Variants in LSAMP observed in about 807,000 individuals in gnomAD.
LSAMP encodes limbic system-associated membrane protein.
Under a neutral mutation model 38.6 loss-of-function variants are expected in LSAMP, and 7 were observed. The observed-to-expected ratio is 0.18, with a 90% CI of 0.10 to 0.34. LSAMP has a LOEUF of 0.34. LSAMP is among the 10% of genes least tolerant of loss of function. The probability of loss-of-function intolerance (pLI) is 1.00; values close to 1 mark genes in which losing one functional copy is unlikely to be tolerated. For missense variants in LSAMP, 313 were observed against 420.0 expected (o/e 0.75, Z 2.23); for synonymous variants, 154 against 166.8 (o/e 0.92, Z 0.59).
chr3:116,222,319 G>A (rs2046295202), intron 1 of LSAMP, among the ~76,000 whole-genome samples: 1 of 149,808 alleles, frequency 6.7e-6, no homozygotes, highest in East Asian at 2.0e-4. Flanking sequence ...TGCCCACAGT[G>A]CTGCATCCTA....
chr3:116,267,058 A>G (rs1169746485), intron 1 of LSAMP, among the ~76,000 whole-genome samples: 2 of 152,144 alleles, frequency 1.3e-5, no homozygotes, highest in South Asian at 2.1e-4. Flanking sequence ...TCTAACTACT[A>G]TCCCAAAGCA....
At chr3:116,246,206 A>G (rs1036421394) in intron 1 of LSAMP, among the ~76,000 whole-genome samples, 10 of 152,206 alleles carry the variant, frequency 6.6e-5, no homozygotes, top group African/African-American at 2.2e-4. Context: ...AATAGTTCCT[A>G]GAGTGTAAAA....
At chr3:116,125,331 C>T (rs899045334) in intron 1 of LSAMP, among the ~76,000 whole-genome samples, 2 of 151,674 alleles carry the variant, frequency 1.3e-5, no homozygotes, top group African/African-American at 4.8e-5. Context: ...ACTTCTTTCC[C>T]TTGCATAGTT....
At chr3:116,144,562 C>CTTTTTTTTTTT (rs3071080) in intron 1 of LSAMP, among the ~76,000 whole-genome samples, 7 of 142,148 alleles carry the variant, frequency 4.9e-5, no homozygotes, top group Non-Finnish European at 6.1e-5. Context: ...CATCACCTTA[C>CTTTTTTTTTTT]TTTTTTTTTT....
At chr3:115,814,589 C>G (rs939668508) in intron 6 of LSAMP, among the ~76,000 whole-genome samples, 2 of 152,212 alleles carry the variant, frequency 1.3e-5, no homozygotes, top group East Asian at 3.9e-4. Flanking sequence ...CCTAGGAGCC[C>G]ATTTCTTGGA....
At chr3:116,258,398 A>T (rs1339296812) in intron 1 of LSAMP, among the ~76,000 whole-genome samples, 6 of 151,984 alleles carry the variant, frequency 3.9e-5, no homozygotes, top group Non-Finnish European at 8.8e-5. Context: ...CTTTTTTTAA[A>T]TCAGTTAATA....
rs1392207907 is a variant in LSAMP at position 115,874,033 on chromosome 3, C to T, written c.515-21416G>A. ...TTACACTCTGAGCTTCTGCCCTTTT[C>T]TAAGTTTATCTTTCTCTCTTGGAGC... On this transcript the variant is annotated intron_variant, in intron 3 of 6. Coordinates refer to ENST00000490035, the MANE Select transcript of LSAMP (RefSeq NM_002338.5). Among the ~76,000 whole-genome samples the T allele has an allele frequency of 2.0e-5, 3 of 152,116 alleles. No individual in the cohort carries two copies. The East Asian group carries it at 5.8e-4, about 29-fold the overall frequency.
chr3:115,955,570 A>C (rs184275247), intron 3 of LSAMP, among the ~76,000 whole-genome samples: 122 of 152,294 alleles, frequency 8.0e-4, no homozygotes, highest in Non-Finnish European at 1.6e-3. Context: ...AACTGGATGT[A>C]GGAGACAGGT....
chr3:116,408,915 C>A (rs893330056), intron 1 of LSAMP, among the ~76,000 whole-genome samples: 2 of 152,022 alleles, frequency 1.3e-5, no homozygotes, highest in Non-Finnish European at 1.5e-5. Context: ...TGGTCCAGTG[C>A]CTACCCATGC....
intron 1 of LSAMP, among the ~76,000 whole-genome samples, chr3:116,203,862 C>A (rs188691178): frequency 3.5e-4 from 54 of 152,198 alleles, no homozygotes; most frequent in Admixed American, 1.4e-3. Context: ...AATAAACATA[C>A]GTGTGCATGT....
intron 1 of LSAMP, among the ~76,000 whole-genome samples, chr3:116,419,618 A>G (rs1245849151): frequency 1.3e-5 from 2 of 152,160 alleles, no homozygotes; most frequent in African/African-American, 4.8e-5. Flanking sequence ...TAAAGCAGTA[A>G]TCTTTTTTTA....
chr3:115,871,639 CAAAG>C (rs781656798), intron 3 of LSAMP, among the ~76,000 whole-genome samples: 147 of 149,510 alleles, frequency 9.8e-4, no homozygotes, highest in South Asian at 5.5e-3. Context: ...GACAGAGAGA[CAAAG>C]AGAGAGAGGC....
chr3:115,956,613 A>T (rs918682593), intron 3 of LSAMP, among the ~76,000 whole-genome samples: 1 of 152,200 alleles, frequency 6.6e-6, no homozygotes, highest in Non-Finnish European at 1.5e-5. Context: ...CTTATCACCT[A>T]GAAAATAATT....
At chr3:116,138,192 C>A (rs545689227) in intron 1 of LSAMP, among the ~76,000 whole-genome samples, 90 of 152,166 alleles carry the variant, frequency 5.9e-4, no homozygotes, top group African/African-American at 2.1e-3. Flanking sequence ...ACAGGGCTTG[C>A]AAATTATTAT....
intron 1 of LSAMP, among the ~76,000 whole-genome samples, chr3:116,349,730 A>C (rs145320296): frequency 1.3e-5 from 2 of 152,080 alleles, no homozygotes; most frequent in Non-Finnish European, 2.9e-5. Flanking sequence ...ACAGGAAAAA[A>C]ATAAAGCAAT....
At chr3:115,952,914 T>G (rs1938338779) in intron 3 of LSAMP, among the ~76,000 whole-genome samples, 1 of 152,252 alleles carries the variant, frequency 6.6e-6, no homozygotes, top group Non-Finnish European at 1.5e-5. Flanking sequence ...GCTTATTGTA[T>G]ACTGTCTCCT....
intron 3 of LSAMP, among the ~76,000 whole-genome samples, chr3:115,939,713 C>T (rs879699000): frequency 7.9e-5 from 12 of 152,018 alleles, no homozygotes; most frequent in African/African-American, 2.7e-4. Flanking sequence ...CACTATTATA[C>T]TTGATTAATT....
intron 3 of LSAMP, among the ~76,000 whole-genome samples, chr3:115,895,780 A>G (rs1936713443): frequency 6.6e-6 from 1 of 152,122 alleles, no homozygotes; most frequent in South Asian, 2.1e-4. Flanking sequence ...TTTATTCTGT[A>G]GAGAAATGTT....
chr3:116,097,302 A>T (rs1455391218), intron 1 of LSAMP, among the ~76,000 whole-genome samples: 1 of 152,256 alleles, frequency 6.6e-6, no homozygotes, highest in Non-Finnish European at 1.5e-5. Context: ...GCAATAAACC[A>T]CAATCCACAA....
Sources: gnomAD v4.1 joint callset for allele counts (sites outside exome capture counted in the v4.1 genomes callset) on GRCh38, gnomAD v4.1.1 for gene constraint, MANE v1.5 for transcripts, NCBI Gene and HGNC (gene_info 2026-07-23, HGNC 2026-07-21) for gene names.